FHIT: variants seen among roughly 807,000 people sequenced by gnomAD.
The protein encoded by FHIT is fragile histidine triad diadenosine triphosphatase.
Under a neutral mutation model 17.9 loss-of-function variants are expected in FHIT, and 19 were observed. That is an observed-to-expected ratio of 1.06 (90% CI 0.74 to 1.56). FHIT has a LOEUF of 1.56. Among genes scored for constraint, FHIT ranks in the 40% most tolerant of loss-of-function variants. The pLI, the probability that FHIT is intolerant of heterozygous loss-of-function variation, is 0.00. For missense variants in FHIT, 248 were observed against 189.2 expected, an observed-to-expected ratio of 1.31 and a Z score of -1.82; for synonymous variants, 81 against 69.7, an observed-to-expected ratio of 1.16 and a Z score of -0.81.
At chr3:60,212,524 A>G (rs1703501696) in intron 5 of FHIT, among the ~76,000 whole-genome samples, 1 of 152,172 alleles carries the variant, frequency 6.6e-6, no homozygotes, top group Admixed American at 6.5e-5. Context: ...AATATAAGGT[A>G]TTTTCTCCAA....
chr3:60,963,547 G>C (rs1420948128), intron 3 of FHIT, among the ~76,000 whole-genome samples: 1 of 152,110 alleles, frequency 6.6e-6, no homozygotes, highest in African/African-American at 2.4e-5. Flanking sequence ...GATCTTTCCT[G>C]CTTTCTCCTG....
At chr3:59,865,106 T>C (rs1702584173) in intron 8 of FHIT, among the ~76,000 whole-genome samples, 1 of 152,244 alleles carries the variant, frequency 6.6e-6, no homozygotes. Flanking sequence ...ATCTTAATTG[T>C]ATAATTTCAA....
At chr3:60,211,273 CACAT>C (rs1435580426) in intron 5 of FHIT, among the ~76,000 whole-genome samples, 3 of 151,606 alleles carry the variant, frequency 2.0e-5, no homozygotes, top group African/African-American at 7.3e-5. Context: ...TATGTATATC[CACAT>C]ACAAACACAT....
chr3:60,534,193 C>G (rs530118041), intron 5 of FHIT, among the ~76,000 whole-genome samples: 3 of 149,780 alleles, frequency 2.0e-5, no homozygotes, highest in Non-Finnish European at 4.4e-5. Flanking sequence ...TTTGGGAGGC[C>G]GAGGCGGGTG....
intron 8 of FHIT, among the ~76,000 whole-genome samples, chr3:59,757,672 G>T (rs1701289330): frequency 6.6e-6 from 1 of 152,174 alleles, no homozygotes; most frequent in Non-Finnish European, 1.5e-5. Context: ...TCTTCTTACA[G>T]AAGCAAACGG....
At chr3:60,259,626 G>A (rs569638801) in intron 5 of FHIT, among the ~76,000 whole-genome samples, 36 of 152,176 alleles carry the variant, frequency 2.4e-4, no homozygotes, top group African/African-American at 8.2e-4. Context: ...AGTAACTCCA[G>A]GAGCTAAGTA....
At chr3:61,162,189 T>A (rs1235627081) in intron 2 of FHIT, among the ~76,000 whole-genome samples, 3 of 152,340 alleles carry the variant, frequency 2.0e-5, no homozygotes, top group Admixed American at 6.5e-5. Flanking sequence ...TTTTTCTCTG[T>A]TGTAAACCCT....
chr3:60,243,063 T>TA (rs79498697), intron 5 of FHIT, among the ~76,000 whole-genome samples: 529 of 128,440 alleles, frequency 4.1e-3, no homozygotes, highest in Middle Eastern at 0.015. Flanking sequence ...AGTCCAAAAC[T>TA]AAAAAAAAAA....
At chr3:60,705,187 A>C (rs1344925574) in intron 4 of FHIT, among the ~76,000 whole-genome samples, 2 of 152,204 alleles carry the variant, frequency 1.3e-5, no homozygotes, top group Non-Finnish European at 2.9e-5. Flanking sequence ...TTTTCAAACT[A>C]CTTTCATGAC....
intron 8 of FHIT, among the ~76,000 whole-genome samples, chr3:59,864,527 A>G (rs745365907): frequency 1.3e-5 from 2 of 151,718 alleles, no homozygotes; most frequent in Admixed American, 6.6e-5. Flanking sequence ...TGTTAGAAAT[A>G]TACTTGTATT....
At chr3:59,863,907 G>T (rs1435667481) in intron 8 of FHIT, among the ~76,000 whole-genome samples, 2 of 152,082 alleles carry the variant, frequency 1.3e-5, no homozygotes, top group East Asian at 1.9e-4. Flanking sequence ...TCTTCTTCCT[G>T]CTGAATGAAA....
intron 8 of FHIT, among the ~76,000 whole-genome samples, chr3:59,913,817 C>T (rs1353698403): frequency 6.6e-6 from 1 of 152,128 alleles, no homozygotes; most frequent in Non-Finnish European, 1.5e-5. Flanking sequence ...AAACATTAAA[C>T]AGTTTGCAAT....
At chr3:61,059,352 C>A in intron 2 of FHIT, among the ~76,000 whole-genome samples, 1 of 128,908 alleles carries the variant, frequency 7.8e-6, no homozygotes, top group South Asian at 2.5e-4. Flanking sequence ...TTCAATGTGG[C>A]TTTTTTTCTT....
intron 3 of FHIT, among the ~76,000 whole-genome samples, chr3:60,990,288 C>G (rs7372733): frequency 0.095 from 14,496 of 152,208 alleles, 964 homozygotes; most frequent in East Asian, 0.24. Context: ...AGAAATTGGT[C>G]TGCAGCCTCC....
At chr3:60,599,726 G>A (rs2107711178) in intron 4 of FHIT, among the ~76,000 whole-genome samples, 1 of 150,148 alleles carries the variant, frequency 6.7e-6, no homozygotes, top group East Asian at 2.0e-4. Context: ...AAGTCCTAAT[G>A]GTACCAGCAC....
At chr3:60,686,361 G>T (rs879968075) in intron 4 of FHIT, among the ~76,000 whole-genome samples, 2 of 152,004 alleles carry the variant, frequency 1.3e-5, no homozygotes, top group Non-Finnish European at 2.9e-5. Flanking sequence ...TCAAATATTA[G>T]GTTGGCACAA....
chr3:61,218,513 A>G (rs2039747161), intron 1 of FHIT, among the ~76,000 whole-genome samples: 1 of 151,918 alleles, frequency 6.6e-6, no homozygotes, highest in Admixed American at 6.6e-5. Context: ...AGTGGCAACT[A>G]AAGGACAAAG....
chr3:61,187,591 T>C (rs1234253135), intron 2 of FHIT, among the ~76,000 whole-genome samples: 2 of 152,172 alleles, frequency 1.3e-5, no homozygotes, highest in Non-Finnish European at 2.9e-5. Context: ...CTAATAGACA[T>C]CTACAGAACT....
At chr3:60,076,811 A>C (rs1049939136) in intron 5 of FHIT, among the ~76,000 whole-genome samples, 4 of 146,958 alleles carry the variant, frequency 2.7e-5, no homozygotes, top group African/African-American at 7.5e-5. Context: ...AGAAAAAAAA[A>C]CCCAAACACT....
Sources: allele counts gnomAD v4.1 joint callset (sites outside exome capture counted in the v4.1 genomes callset), GRCh38; gene constraint gnomAD v4.1.1; transcripts MANE v1.5; gene names NCBI Gene and HGNC (gene_info 2026-07-23, HGNC 2026-07-21).